The following GFRA1 variants were observed in gnomAD, a reference collection of about 807,000 sequenced individuals.
GFRA1 encodes the protein GDNF family receptor alpha-1.
A neutral mutation model predicts 51.6 loss-of-function variants in GFRA1; 16 were observed. That is an observed-to-expected ratio of 0.31 (90% CI 0.21 to 0.47). GFRA1 has a LOEUF of 0.47. GFRA1 is among the 20% of genes least tolerant of loss of function. The pLI is 1.00. For missense variants in GFRA1, 530 were observed against 594.3 expected, an observed-to-expected ratio of 0.89 and a Z score of 1.13; for synonymous variants, 270 against 241.3, an observed-to-expected ratio of 1.12 and a Z score of -1.10.
chr10:116,178,692 G>A (rs962008593), intron 5 of GFRA1, among the ~76,000 whole-genome samples: 3 of 152,150 alleles, frequency 2.0e-5, no homozygotes, highest in East Asian at 1.9e-4. Flanking sequence ...CGCCAGCATC[G>A]GCAAATACAC....
intron 5 of GFRA1, among the ~76,000 whole-genome samples, chr10:116,132,005 G>C (rs1045557473): frequency 6.0e-5 from 9 of 151,018 alleles, no homozygotes; most frequent in Non-Finnish European, 1.2e-4. Flanking sequence ...CCAGAAGATC[G>C]AGACCAGCTT....
chr10:116,240,046 G>A lies in GFRA1; in HGVS notation c.419-28401C>T, dbSNP rs770845986. On this transcript the variant is annotated intron_variant, in intron 4 of 10. Coordinates refer to ENST00000355422, the MANE Select transcript of GFRA1 (RefSeq NM_005264.8). ...AAAGGATATCTACAAGCAGGTGTTC[G>A]TCGATTTCTCTATGATGTATTATTA... Among the ~76,000 whole-genome samples the A allele has an allele frequency of 5.3e-5, 8 of 152,026 alleles. No individual in the cohort carries two copies. In the South Asian group the frequency reaches 8.3e-4, roughly 16 times the overall value.
In GFRA1 at chr10:116,272,559, A is replaced by G. The variant is rs1416937642; in HGVS notation, c.-246-284T>C. The G allele has an allele frequency of 6.5e-6, 1 of 152,998 alleles. No homozygotes were observed. The highest frequency in any genetic ancestry group is 1.5e-5 in the Non-Finnish European group (1 of 68,700). The allele number at this position is 152,998 out of a possible 1,614,324, so 9.5% of individuals were successfully genotyped here. On this transcript the variant is annotated intron_variant, in intron 1 of 10. Transcript: ENST00000355422. The surrounding 1 kb of genome is among the most constrained non-coding windows in gnomAD (Gnocchi z 4.4). ...GCAAGCAAATAAATAAATAAACGGT[A>G]CTTTCCGAGCGTCGCGAGCGGAGCC... is the stretch of plus-strand genomic sequence containing the variant.
chr10:116,250,190 ATTCT>A (rs1201091280), intron 4 of GFRA1, among the ~76,000 whole-genome samples: 1 of 152,122 alleles, frequency 6.6e-6, no homozygotes, highest in African/African-American at 2.4e-5. Flanking sequence ...CAAGGACTTG[ATTCT>A]TTAAGAATTT....
intron 9 of GFRA1, among the ~76,000 whole-genome samples, chr10:116,072,742 C>T (rs1955458015): frequency 6.6e-6 from 1 of 152,038 alleles, no homozygotes; most frequent in African/African-American, 2.4e-5. Context: ...GCCTGGGTGA[C>T]AGAGATAGAC....
chr10:116,211,414 C>A (rs1052448779), intron 5 of GFRA1, among the ~76,000 whole-genome samples: 5 of 152,142 alleles, frequency 3.3e-5, no homozygotes, highest in Admixed American at 1.3e-4. Flanking sequence ...CTACATCCTA[C>A]CCCCAAGCAT....
chr10:116,230,948 G>A (rs1403390324), intron 4 of GFRA1, among the ~76,000 whole-genome samples: 5 of 152,172 alleles, frequency 3.3e-5, no homozygotes, highest in Admixed American at 6.5e-5. Flanking sequence ...GTTCTTAGGA[G>A]AGAAGAGAAT....
intron 7 of GFRA1, 64 bp from the exon 8 acceptor site, chr10:116,093,900 A>C: frequency 6.7e-7 from 1 of 1,503,632 alleles, no homozygotes; most frequent in East Asian, 2.3e-5. Flanking sequence ...GCCTAAAAAG[A>C]AACCAATATT....
intron 4 of GFRA1, among the ~76,000 whole-genome samples, chr10:116,224,511 T>C (rs1048673035): frequency 6.6e-6 from 1 of 152,156 alleles, no homozygotes. Flanking sequence ...TATTTGGCAA[T>C]AGGAAGACAT....
chr10:116,135,521 A>G (rs1292382025), intron 5 of GFRA1, among the ~76,000 whole-genome samples: 1 of 152,236 alleles, frequency 6.6e-6, no homozygotes, highest in East Asian at 1.9e-4. Context: ...AAGATGGCAC[A>G]ATTTAGTTAT....
intron 5 of GFRA1, among the ~76,000 whole-genome samples, chr10:116,196,607 AGTACT>A (rs1963822672): frequency 6.9e-5 from 1 of 14,588 alleles, no homozygotes; most frequent in Non-Finnish European, 1.7e-4. Context: ...ATATATATAT[AGTACT>A]ATATATAATA....
intron 6 of GFRA1, among the ~76,000 whole-genome samples, chr10:116,119,698 A>C (rs1202622356): frequency 6.6e-6 from 1 of 152,222 alleles, no homozygotes; most frequent in Non-Finnish European, 1.5e-5. Flanking sequence ...ACAGTAGAGG[A>C]TGTCCTTGAT....
At chr10:116,093,621 G>C in intron 8 of GFRA1, 81 bp downstream of exon 8, 1 of 1,244,520 alleles carries the variant, frequency 8.0e-7, no homozygotes, top group African/African-American at 1.5e-5. Flanking sequence ...AGAGGTACAG[G>C]CACAAGGTAC....
At chr10:116,205,596 GATATATATATATATATATAT>G (rs140642664) in intron 5 of GFRA1, among the ~76,000 whole-genome samples, 41 of 140,610 alleles carry the variant, frequency 2.9e-4, no homozygotes, top group African/African-American at 1.0e-3. Flanking sequence ...AAAAAAAAAA[GATATATATATATATATATAT>G]ATATATATAT....
At chr10:116,256,293 A>G (rs1968849550) in intron 4 of GFRA1, among the ~76,000 whole-genome samples, 1 of 152,016 alleles carries the variant, frequency 6.6e-6, no homozygotes, top group Non-Finnish European at 1.5e-5. Context: ...TGCAGCACAT[A>G]TATTTTTTGG....
At chr10:116,244,169 GATTGATCTATTACGGATCT>G (rs199525784) in intron 4 of GFRA1, among the ~76,000 whole-genome samples, 3,701 of 151,944 alleles carry the variant, frequency 0.024, 68 homozygotes, top group Non-Finnish European at 0.035. Flanking sequence ...GAATCTTTCA[GATTGATCTATTACGGATCT>G]ATTGATCTAT....
At position 116,271,096 on chromosome 10, in the gene GFRA1, T is replaced by G; in HGVS notation, c.60A>C (p.Glu20Asp). 6.2e-7 allele frequency: 1 copy of G among 1,606,816 alleles called. No individual in the cohort carries two copies. Among genetic ancestry groups the G allele is most frequent in the African/African-American group, 1.3e-5 (1 of 74,900 alleles). Reference sequence around the variant, plus strand: ...AATCCAGGCGGTCTCCGCCGCTCACTTCGGCCGACAGGAGCAAGTCTGCGG... The same window carrying G: ...AATCCAGGCGGTCTCCGCCGCTCACGTCGGCCGACAGGAGCAAGTCTGCGG... Reference protein sequence around the residue: ...LPLLDLLLSAEVSGGDRLDCV... With the variant: ...LPLLDLLLSADVSGGDRLDCV... Residue 20 changes from glutamate to aspartate, a missense_variant, in exon 3 of 11, where the codon GAA (glutamate) becomes GAC (aspartate). Coordinates refer to ENST00000355422, the MANE Select transcript of GFRA1 (RefSeq NM_005264.8).
At chr10:116,115,469 G>A (rs574872417) in intron 6 of GFRA1, among the ~76,000 whole-genome samples, 97 of 152,094 alleles carry the variant, frequency 6.4e-4, no homozygotes, top group Middle Eastern at 3.4e-3. Flanking sequence ...CTCTGATGTC[G>A]CACTTCCCTT....
At chr10:116,244,905 C>G (rs142942143) in intron 4 of GFRA1, among the ~76,000 whole-genome samples, 166 of 152,128 alleles carry the variant, frequency 1.1e-3, no homozygotes, top group Middle Eastern at 3.4e-3. Context: ...AAAATCACAC[C>G]TAAATACCAG....
Sources: gnomAD v4.1 joint callset for allele counts (sites outside exome capture counted in the v4.1 genomes callset) on GRCh38, gnomAD v4.1.1 for gene constraint, Gnocchi (gnomAD v3.1) non-coding constraint, MANE v1.5 for transcripts, NCBI Gene and HGNC (gene_info 2026-07-23, HGNC 2026-07-21) for gene names.